Variants in ATP13A4 observed in about 807,000 individuals in gnomAD.
ATP13A4 encodes the protein probable cation-transporting ATPase 13A4.
ATP13A4 carries 114 observed loss-of-function variants against 142.5 expected under a neutral mutation model. The observed-to-expected ratio is 0.80, with a 90% confidence interval of 0.69 to 0.93. ATP13A4 has a LOEUF of 0.93. ATP13A4 is among the 40% of genes least tolerant of loss of function. ATP13A4 has a pLI of 0.00. For synonymous variants in ATP13A4, 488 were observed against 514.8 expected (o/e 0.95, Z 0.70); for missense variants, 1,392 against 1,454.0 (o/e 0.96, Z 0.69).
intron 1 of ATP13A4, among the ~76,000 whole-genome samples, chr3:193,526,173 T>C (rs573948203): frequency 6.6e-6 from 1 of 152,256 alleles, no homozygotes; most frequent in Non-Finnish European, 1.5e-5. Flanking sequence ...GTCAAATATT[T>C]GCTATTGTAA....
At chr3:193,539,340 G>A (rs1722758568) in intron 1 of ATP13A4, among the ~76,000 whole-genome samples, 1 of 152,188 alleles carries the variant, frequency 6.6e-6, no homozygotes, top group Admixed American at 6.5e-5. Flanking sequence ...AATGGCCAAT[G>A]TTTGACTCCT....
intron 1 of ATP13A4, among the ~76,000 whole-genome samples, chr3:193,549,161 A>C (rs1723396442): frequency 6.6e-6 from 1 of 152,224 alleles, no homozygotes; most frequent in Admixed American, 6.5e-5. Flanking sequence ...ATAACTTCTG[A>C]AGGGTAATTT....
chr3:193,513,798 A>G (rs938287744), intron 2 of ATP13A4, among the ~76,000 whole-genome samples: 2 of 152,188 alleles, frequency 1.3e-5, no homozygotes, highest in East Asian at 1.9e-4. Flanking sequence ...GCTCTCATCA[A>G]TCAGCTGGGA....
intron 1 of ATP13A4, among the ~76,000 whole-genome samples, chr3:193,591,095 G>T (rs62287171): frequency 0.12 from 18,266 of 152,230 alleles, 1,428 homozygotes; most frequent in East Asian, 0.24. Context: ...ACGGAGTCTC[G>T]ATCTGTCGCT....
chr3:193,462,033 C>T (rs1010220167), intron 13 of ATP13A4, among the ~76,000 whole-genome samples: 22 of 152,078 alleles, frequency 1.4e-4, no homozygotes, highest in African/African-American at 5.1e-4. Context: ...ACCAGCCTGG[C>T]CAACATGGTG....
At chr3:193,576,790 A>G (rs896237028) in intron 2 of ATP13A4, among the ~76,000 whole-genome samples, 3 of 152,204 alleles carry the variant, frequency 2.0e-5, no homozygotes, top group African/African-American at 7.2e-5. Context: ...GCTAAGCAGA[A>G]AAAAACAACT....
chr3:193,562,161 G>A (rs370054424), intron 2 of ATP13A4, among the ~76,000 whole-genome samples: 52 of 152,170 alleles, frequency 3.4e-4, no homozygotes, highest in African/African-American at 1.2e-3. Flanking sequence ...ACATACTCTG[G>A]TCCCGGAGAG....
chr3:193,457,411 T>C lies in ATP13A4; in HGVS notation c.1729A>G (p.Met577Val), dbSNP rs143094413. ...FHIKGVPAHAMVVKPCRTASQ... is the reference protein window; with the variant it reads ...FHIKGVPAHAVVVKPCRTASQ... ...GCTGTTCTGCAGGGCTTAACTACCATGGCATGTGCCGGCACTCCCTTGATG... is the reference window on the plus strand; with the variant it reads ...GCTGTTCTGCAGGGCTTAACTACCACGGCATGTGCCGGCACTCCCTTGATG... Residue 577 changes from methionine (M) to valine (V), a missense_variant, in exon 15 of 30, where the codon ATG becomes GTG. Coordinates refer to ENST00000342695, the MANE Select transcript of ATP13A4 (RefSeq NM_032279.4). 4.6e-5 allele frequency: 74 copies of C among 1,614,088 alleles called. No homozygotes were observed. Among genetic ancestry groups the C allele is most frequent in the Non-Finnish European group, 6.2e-5 (73 of 1,180,030 alleles).
chr3:193,432,076 G>T (rs1156575955), intron 25 of ATP13A4, among the ~76,000 whole-genome samples: 3 of 150,978 alleles, frequency 2.0e-5, no homozygotes, highest in African/African-American at 4.9e-5. Flanking sequence ...AAGAAGATAT[G>T]AGAATGTATT....
rs930289209 is a variant in ATP13A4, at chr3:193,543,152, A to C, written c.60+11588T>G. Among the ~76,000 whole-genome samples, 4 of 144,668 alleles carry C rather than the reference A, an allele frequency of 2.8e-5. No homozygotes were observed. The South Asian group carries it at 8.6e-4, about 31-fold the overall frequency. The allele number at this position is 144,668 out of a possible 152,430, so 94.9% of individuals were successfully genotyped here. ...CACTGCACTCCAGCCTGGGCAACAGAGCAAGACTCCATCTCAAAAAAAAAA... is the reference window on the plus strand; with the variant it reads ...CACTGCACTCCAGCCTGGGCAACAGCGCAAGACTCCATCTCAAAAAAAAAA... On this transcript the variant is annotated intron_variant, in intron 1 of 29. Coordinates refer to ENST00000342695, the MANE Select transcript of ATP13A4 (RefSeq NM_032279.4).
At chr3:193,410,832 T>C in intron 28 of ATP13A4, 150 bp downstream of exon 28, 4 of 610,550 alleles carry the variant, frequency 6.6e-6, no homozygotes, top group Non-Finnish European at 8.8e-6. Flanking sequence ...AAATAAAAAA[T>C]ATAGATAAAT....
At chr3:193,555,083 TC>T, upstream of ATP13A4, 1 of 584,768 alleles carries the variant, frequency 1.7e-6, no homozygotes, top group Non-Finnish European at 2.8e-6. Flanking sequence ...CCCATGCCGA[TC>T]TTTTTGTGCC....
At chr3:193,586,321 G>A (rs933879833) in intron 1 of ATP13A4, among the ~76,000 whole-genome samples, 1 of 152,096 alleles carries the variant, frequency 6.6e-6, no homozygotes, top group African/African-American at 2.4e-5. Flanking sequence ...TTGGTGAGCA[G>A]GAGTATTTTA....
intron 1 of ATP13A4, among the ~76,000 whole-genome samples, chr3:193,515,569 G>C (rs888024776): frequency 2.0e-5 from 3 of 151,284 alleles, no homozygotes; most frequent in African/African-American, 7.3e-5. Flanking sequence ...AACACCATAG[G>C]GACTATTTGG....
intron 2 of ATP13A4, among the ~76,000 whole-genome samples, chr3:193,512,368 C>T (rs1721186701): frequency 1.3e-5 from 2 of 152,154 alleles, no homozygotes; most frequent in Admixed American, 6.5e-5. Context: ...GGCACTCAGG[C>T]TATGTATGGG....
chr3:193,467,370 T>C lies in ATP13A4; in HGVS notation c.1060A>G (p.Ile354Val), dbSNP rs540920028. ...RHVLFCGTEV[I>V]QAKAACSGTV... The stretch of plus-strand genomic sequence containing the variant: ...CCAGAGCAAGCTGCCTTGGCCTGGA[T>C]AACCTCTGTTCCACAGAAGAGGACA... The change falls in exon 10 of 30, where the codon ATC (isoleucine) becomes GTC (valine). Residue 354 changes from isoleucine (I) to valine (V), a missense_variant. Coordinates refer to ENST00000342695, the MANE Select transcript of ATP13A4 (RefSeq NM_032279.4). 5 of 1,614,178 alleles carry C rather than the reference T, an allele frequency of 3.1e-6. No individual in the cohort carries two copies. In the South Asian group the frequency reaches 5.5e-5, roughly 18 times the overall value.
At chr3:193,549,433 T>G (rs770780) in intron 1 of ATP13A4, among the ~76,000 whole-genome samples, 30,205 of 136,494 alleles carry the variant, frequency 0.22, 3,059 homozygotes, top group Middle Eastern at 0.29. Flanking sequence ...TATATATATA[T>G]AGAGAGAGAG....
At chr3:193,448,379 G>C (rs1560194082) in intron 17 of ATP13A4, 49 bp from the exon 18 acceptor site, 1 of 1,605,388 alleles carries the variant, frequency 6.2e-7, no homozygotes, top group Admixed American at 1.7e-5. Flanking sequence ...ACATATTACA[G>C]CTTTTTTTTT....
At chr3:193,525,305 A>C (rs1577050995) in intron 1 of ATP13A4, among the ~76,000 whole-genome samples, 1 of 152,222 alleles carries the variant, frequency 6.6e-6, no homozygotes, top group East Asian at 1.9e-4. Context: ...TCTTAAGATA[A>C]TTCTCAAACA....
Sources: gnomAD v4.1 joint callset for allele counts (sites outside exome capture counted in the v4.1 genomes callset) on GRCh38, gnomAD v4.1.1 for gene constraint, MANE v1.5 for transcripts, NCBI Gene and HGNC (gene_info 2026-07-23, HGNC 2026-07-21) for gene names.